The following LYPLAL1 variants were observed in gnomAD, a reference collection of about 807,000 sequenced individuals.
The protein encoded by LYPLAL1 is lysophospholipase-like protein 1.
LYPLAL1 carries 23 observed loss-of-function variants against 19.7 expected under a neutral mutation model. That is an observed-to-expected ratio of 1.17 (90% confidence interval 0.84 to 1.65). The LOEUF (loss-of-function observed/expected upper bound fraction) is 1.65. LYPLAL1 is among the 40% of genes most tolerant of loss of function. The pLI, the probability that LYPLAL1 is intolerant of heterozygous loss-of-function variation, is 0.00. For synonymous variants in LYPLAL1, 119 were observed against 96.3 expected (o/e 1.24, Z -1.38); for missense variants, 355 against 279.4 (o/e 1.27, Z -1.93).
chr1:219,266,947 T>C, the LYPLAL1 span, among the ~76,000 whole-genome samples: 1 of 152,206 alleles, frequency 6.6e-6, no homozygotes, highest in Non-Finnish European at 1.5e-5. Flanking sequence ...AGATAAATAG[T>C]TCTATAAAAT....
At chr1:219,301,938 A>T in the LYPLAL1 span, among the ~76,000 whole-genome samples, 1 of 152,212 alleles carries the variant, frequency 6.6e-6, no homozygotes, top group Non-Finnish European at 1.5e-5. Context: ...TTTTTAAAAA[A>T]TACATGATAC....
the LYPLAL1 span, among the ~76,000 whole-genome samples, chr1:219,413,725 G>A: frequency 6.6e-6 from 1 of 152,166 alleles, no homozygotes; most frequent in African/African-American, 2.4e-5. Context: ...CATTAGCCCT[G>A]CCAAAGTGCT....
chr1:219,244,385 A>G, the LYPLAL1 span, among the ~76,000 whole-genome samples: 1 of 152,138 alleles, frequency 6.6e-6, no homozygotes, highest in African/African-American at 2.4e-5. Flanking sequence ...AACACTCATG[A>G]TTGAGATAGT....
chr1:219,263,381 T>A, the LYPLAL1 span, among the ~76,000 whole-genome samples: 1 of 152,150 alleles, frequency 6.6e-6, no homozygotes, highest in Non-Finnish European at 1.5e-5. Flanking sequence ...CCAGGCAGCC[T>A]GCATGCAGGG....
the LYPLAL1 span, among the ~76,000 whole-genome samples, chr1:219,395,873 G>A: frequency 2.6e-5 from 4 of 152,128 alleles, no homozygotes; most frequent in East Asian, 1.9e-4. Context: ...GGAGGCCGAG[G>A]CAGGCGGATC....
At chr1:219,214,518 A>G (rs747004161), downstream of LYPLAL1, among the ~76,000 whole-genome samples, 2 of 152,014 alleles carry the variant, frequency 1.3e-5, no homozygotes, top group Admixed American at 6.6e-5. Flanking sequence ...TCCGCATACT[A>G]TAACTTTTTA....
At chr1:219,343,147 T>C in the LYPLAL1 span, among the ~76,000 whole-genome samples, 11 of 152,130 alleles carry the variant, frequency 7.2e-5, no homozygotes, top group African/African-American at 2.7e-4. Context: ...GTTTTTCTCC[T>C]CCCCAATCAG....
the LYPLAL1 span, among the ~76,000 whole-genome samples, chr1:219,332,832 C>A: frequency 1.4e-5 from 2 of 145,866 alleles, no homozygotes; most frequent in East Asian, 2.2e-4. Context: ...GCCCCCCCCC[C>A]CCAAATTAAA....
At chr1:219,351,206 T>C in the LYPLAL1 span, among the ~76,000 whole-genome samples, 1 of 151,970 alleles carries the variant, frequency 6.6e-6, no homozygotes, top group Non-Finnish European at 1.5e-5. Flanking sequence ...GATTAGACAA[T>C]ACATAGTAAT....
At chr1:219,404,446 T>A in the LYPLAL1 span, among the ~76,000 whole-genome samples, 4 of 152,212 alleles carry the variant, frequency 2.6e-5, no homozygotes, top group Admixed American at 2.6e-4. Context: ...CATCTTTAAA[T>A]ATTTTGGTGC....
chr1:219,196,622 A>G (rs546988006), intron 3 of LYPLAL1, among the ~76,000 whole-genome samples: 68 of 152,256 alleles, frequency 4.5e-4, no homozygotes, highest in African/African-American at 1.5e-3. Flanking sequence ...CTTCTATTCA[A>G]CATAGTATTG....
At chr1:219,224,907 T>G in the LYPLAL1 span, among the ~76,000 whole-genome samples, 3 of 152,202 alleles carry the variant, frequency 2.0e-5, no homozygotes, top group Non-Finnish European at 4.4e-5. Context: ...TCAGTCCTTA[T>G]CTTTTCCATA....
At chr1:219,324,995 C>T in the LYPLAL1 span, among the ~76,000 whole-genome samples, 1 of 152,142 alleles carries the variant, frequency 6.6e-6, no homozygotes, top group African/African-American at 2.4e-5. Flanking sequence ...TTCCCAAATA[C>T]ACCAACCTTC....
the LYPLAL1 span, among the ~76,000 whole-genome samples, chr1:219,218,179 T>G: frequency 1.3e-5 from 2 of 152,008 alleles, no homozygotes; most frequent in Non-Finnish European, 2.9e-5. Flanking sequence ...TATAACAAAA[T>G]GAACTGAGAA....
At chr1:219,198,096 A>G (rs926189859) in intron 3 of LYPLAL1, among the ~76,000 whole-genome samples, 3 of 152,150 alleles carry the variant, frequency 2.0e-5, no homozygotes, top group Non-Finnish European at 2.9e-5. Flanking sequence ...TGAGAAAAAG[A>G]TGATTTTTAA....
the LYPLAL1 span, among the ~76,000 whole-genome samples, chr1:219,350,693 A>T: frequency 3.3e-5 from 5 of 152,356 alleles, no homozygotes; most frequent in African/African-American, 1.2e-4. Context: ...GTCTCCAAAC[A>T]TCTCATCAAA....
chr1:219,173,905 G>A lies in LYPLAL1; in HGVS notation c.15G>A (p.Ser5=). 1.2e-6 allele frequency: 2 copies of A among 1,613,248 alleles called. No homozygotes were observed. The highest frequency in any genetic ancestry group is 2.2e-5 in the East Asian group (1 of 44,862). The change falls in exon 1 of 5, where the codon TCG becomes TCA. Residue 5 remains serine, a synonymous_variant. Transcript: ENST00000366928. Reference sequence around the variant, plus strand: ...TGGCATCAGCGATGGCGGCTGCGTCGGGGTCGGTTCTGCAGCGCTGTATCG... The same window carrying A: ...TGGCATCAGCGATGGCGGCTGCGTCAGGGTCGGTTCTGCAGCGCTGTATCG... MAAA[S]GSVLQRCIVS...
chr1:219,234,346 C>G, the LYPLAL1 span, among the ~76,000 whole-genome samples: 1 of 152,078 alleles, frequency 6.6e-6, no homozygotes, highest in Non-Finnish European at 1.5e-5. Flanking sequence ...GAATGTAACT[C>G]TTATTCATAA....
the LYPLAL1 span, among the ~76,000 whole-genome samples, chr1:219,266,415 A>G: frequency 6.6e-5 from 10 of 152,188 alleles, no homozygotes; most frequent in African/African-American, 2.4e-4. Context: ...TTCAGAGGTA[A>G]TAGCAAGCAT....
Sources: allele counts gnomAD v4.1 joint callset (sites outside exome capture counted in the v4.1 genomes callset), GRCh38; gene constraint gnomAD v4.1.1; transcripts MANE v1.5; gene names NCBI Gene and HGNC (gene_info 2026-07-23, HGNC 2026-07-21).